Variants in AFF3 observed in about 807,000 individuals in gnomAD.
The protein encoded by AFF3 is ALF transcription elongation factor 3, also known as AF4/FMR2 family member 3.
AFF3 carries 32 observed loss-of-function variants against 129.7 expected under a neutral mutation model. The ratio of observed to expected loss-of-function variants is 0.25; its 90% confidence interval spans 0.19 to 0.33. The LOEUF (loss-of-function observed/expected upper bound fraction) is 0.33, where lower values mean the gene tolerates loss of function less well. Among genes scored for constraint, AFF3 ranks in the 10% least tolerant of loss-of-function variants. The pLI, the probability that AFF3 is intolerant of heterozygous loss-of-function variation, is 1.00. For missense variants in AFF3, 1,373 were observed against 1,592.0 expected (o/e 0.86, Z 2.34); for synonymous variants, 644 against 635.4 (o/e 1.01, Z -0.20).
Position 99,705,416 on chromosome 2 carries a change from C to T in AFF3, c.1091+21661G>A, listed in dbSNP as rs186456750. On this transcript the variant is annotated intron_variant, in intron 11 of 24. Transcript: ENST00000672756. ...AGGGGGAGAGAAAGAATGAGGTCAACGGCACCAGAGGAGAAAAGGATCAGG... is the reference window on the plus strand; with the variant it reads ...AGGGGGAGAGAAAGAATGAGGTCAATGGCACCAGAGGAGAAAAGGATCAGG... Among the ~76,000 whole-genome samples the T allele has an allele frequency of 4.1e-3, 619 of 151,926 alleles. 5 individuals carry two copies. The highest frequency in any genetic ancestry group is 0.014 in the African/African-American group (595 of 41,408).
intron 4 of AFF3, among the ~76,000 whole-genome samples, chr2:100,037,897 G>T (rs1685104190): frequency 6.8e-6 from 1 of 146,042 alleles, no homozygotes; most frequent in South Asian, 2.1e-4. Flanking sequence ...ATATATATCA[G>T]CGAGAAGGTC....
intron 7 of AFF3, among the ~76,000 whole-genome samples, chr2:99,937,117 T>G (rs951886179): frequency 6.6e-5 from 10 of 152,194 alleles, no homozygotes; most frequent in Non-Finnish European, 1.5e-4. Flanking sequence ...TTTTGAATAT[T>G]TGCATTATAG....
At chr2:99,797,732 T>C (rs1244276573) in intron 8 of AFF3, among the ~76,000 whole-genome samples, 3 of 151,958 alleles carry the variant, frequency 2.0e-5, no homozygotes, top group Admixed American at 2.0e-4. Flanking sequence ...TTGGAAACAA[T>C]GCAAGTAAGA....
chr2:99,950,489 C>G (rs982063279), intron 7 of AFF3, among the ~76,000 whole-genome samples: 1 of 152,146 alleles, frequency 6.6e-6, no homozygotes, highest in Non-Finnish European at 1.5e-5. Context: ...ATACCAGAGC[C>G]TGGGTCATGT....
chr2:99,829,284 A>G (rs1688336795), intron 8 of AFF3, among the ~76,000 whole-genome samples: 1 of 152,234 alleles, frequency 6.6e-6, no homozygotes, highest in Non-Finnish European at 1.5e-5. Flanking sequence ...AAATTGACAA[A>G]TGGGATCTAA....
chr2:99,689,656 C>CAAA (rs60965683), intron 11 of AFF3, among the ~76,000 whole-genome samples: 3 of 57,284 alleles, frequency 5.2e-5, no homozygotes, highest in African/African-American at 7.9e-5. Flanking sequence ...TATTTAATTG[C>CAAA]AAAAAAAAAA....
At chr2:99,632,047 G>A (rs1359588352) in intron 13 of AFF3, among the ~76,000 whole-genome samples, 5 of 106,536 alleles carry the variant, frequency 4.7e-5, no homozygotes, top group East Asian at 3.0e-4. Flanking sequence ...ATAGAGTCTC[G>A]CTTTGTCACC....
chr2:100,128,617 C>T lies in AFF3; in HGVS notation c.-145+607G>A, dbSNP rs186070080. 1.3e-4 allele frequency among the ~76,000 whole-genome samples: 20 copies of T among 152,256 alleles called. No individual in the cohort carries two copies. The East Asian group carries it at 1.9e-3, about 15-fold the overall frequency. On this transcript the variant is annotated intron_variant, in intron 2 of 24. Coordinates refer to ENST00000672756, the MANE Select transcript of AFF3 (RefSeq NM_001386135.1). ...AGGAGGCTTTGAATGCGGAGAATTG[C>T]GACCTGCATGCCTAGGTCAACCCCA...
chr2:99,832,732 C>T (rs1214735439), intron 8 of AFF3, among the ~76,000 whole-genome samples: 1 of 152,228 alleles, frequency 6.6e-6, no homozygotes, highest in African/African-American at 2.4e-5. Flanking sequence ...CTTGGCTAGA[C>T]TTATTGTAGG....
chr2:99,927,887 C>T (rs1361212520), intron 7 of AFF3, among the ~76,000 whole-genome samples: 2 of 152,154 alleles, frequency 1.3e-5, no homozygotes, highest in Non-Finnish European at 1.5e-5. Flanking sequence ...ATAATTCCCA[C>T]ATGTGGTGGG....
At chr2:99,578,233 G>A (rs1677178175) in intron 18 of AFF3, 94 bp downstream of exon 18, 1 of 1,462,852 alleles carries the variant, frequency 6.8e-7, no homozygotes, top group Admixed American at 2.7e-5. Flanking sequence ...CACTGTAGCT[G>A]AAGGTGGCCA....
At chr2:99,558,046 A>G (rs559776495) in intron 22 of AFF3, among the ~76,000 whole-genome samples, 1 of 152,346 alleles carries the variant, frequency 6.6e-6, no homozygotes, top group East Asian at 1.9e-4. Flanking sequence ...TCATTCCCTG[A>G]GATAAGTAAA....
intron 7 of AFF3, among the ~76,000 whole-genome samples, chr2:99,991,342 A>G (rs1288292376): frequency 6.6e-6 from 1 of 151,382 alleles, no homozygotes. Flanking sequence ...ACTGCAGGAA[A>G]CTCAGAAACT....
intron 2 of AFF3, chr2:100,107,511 C>G (rs1315066873): frequency 3.0e-6 from 3 of 985,104 alleles, no homozygotes; most frequent in Non-Finnish European, 3.6e-6. Flanking sequence ...GTGATGTTTT[C>G]TATGAAGCTG....
chr2:99,839,116 C>CA (rs1553463825), intron 7 of AFF3, among the ~76,000 whole-genome samples: 5 of 150,320 alleles, frequency 3.3e-5, no homozygotes, highest in South Asian at 2.1e-4. Context: ...TCTGTTTTAA[C>CA]TTTTTTTTTT....
intron 20 of AFF3, among the ~76,000 whole-genome samples, chr2:99,562,699 T>A (rs887575404): frequency 6.6e-6 from 1 of 152,188 alleles, no homozygotes; most frequent in African/African-American, 2.4e-5. Context: ...CTTGGTATGA[T>A]GAGTGAGTTC....
At position 99,690,155 on chromosome 2, in the gene AFF3, TTTATTATTATTA is replaced by T. The variant is rs200485697; in HGVS notation, c.1092-17578_1092-17567del. Among the ~76,000 whole-genome samples the T allele has an allele frequency of 8.2e-3, 1,007 of 123,012 alleles. 6 individuals are homozygous for T. The highest frequency in any genetic ancestry group is 0.011 in the Non-Finnish European group (658 of 60,468). The allele number at this position is 123,012 out of a possible 152,430, so 80.7% of individuals were successfully genotyped here. A position where few individuals can be genotyped will look rare whatever the true frequency, so the allele number is the denominator to read the frequency against. On this transcript the variant is annotated intron_variant, in intron 11 of 24. Coordinates refer to ENST00000672756, the MANE Select transcript of AFF3 (RefSeq NM_001386135.1). Reference sequence around the variant, plus strand: ...ACCTAAATTTATAATAACCACAATCTTTATTATTATTATTATTATTATTATTATTATTATTAT... The same window carrying T: ...ACCTAAATTTATAATAACCACAATCTTTATTATTATTATTATTATTATTAT...
intron 13 of AFF3, among the ~76,000 whole-genome samples, chr2:99,609,688 C>T (rs1680726716): frequency 6.6e-6 from 1 of 152,196 alleles, no homozygotes; most frequent in South Asian, 2.1e-4. Context: ...TACAGATTCA[C>T]TGGAAGTTGC....
rs75223819 is a variant in AFF3, at chr2:99,545,854, G to T, written c.*5620C>A. The T allele has an allele frequency of 3.8e-3, 708 of 187,270 alleles. 5 individuals are homozygous for T. The highest frequency in any genetic ancestry group is 0.013 in the African/African-American group (559 of 42,828). The allele number at this position is 187,270 out of a possible 1,614,324, so 11.6% of individuals were successfully genotyped here. A position where few individuals can be genotyped will look rare whatever the true frequency, so the allele number is the denominator to read the frequency against. On this transcript the variant is annotated 3_prime_UTR_variant, in exon 25 of 25. Transcript: ENST00000672756. The stretch of plus-strand genomic sequence containing the variant: ...AAAATAATAAAAACCAAAACCGTGG[G>T]CAGATGTAATTAGTTTGAGAACGGA...
Sources: gnomAD v4.1 joint callset for allele counts (sites outside exome capture counted in the v4.1 genomes callset) on GRCh38, gnomAD v4.1.1 for gene constraint, MANE v1.5 for transcripts, NCBI Gene and HGNC (gene_info 2026-07-23, HGNC 2026-07-21) for gene names.